The following ANKRD18A variants were observed in gnomAD, a reference collection of about 807,000 sequenced individuals.
ANKRD18A encodes ankyrin repeat domain 18A.
ANKRD18A carries 72 observed loss-of-function variants against 110.6 expected under a neutral mutation model. The observed-to-expected ratio is 0.65, with a 90% CI of 0.54 to 0.79. The LOEUF is 0.79. ANKRD18A is among the 30% of genes least tolerant of loss of function. The pLI is 0.00. For missense variants in ANKRD18A, 934 were observed against 1,163.3 expected (o/e 0.80, Z 2.87); for synonymous variants, 305 against 410.3 (o/e 0.74, Z 3.10).
chr9:38,611,489 G>A (rs1825619772), intron 3 of ANKRD18A, among the ~76,000 whole-genome samples, 168 bp from the exon 4 acceptor site: 1 of 152,098 alleles, frequency 6.6e-6, no homozygotes. Flanking sequence ...ACACTGCCTT[G>A]AAACACCCCT....
chr9:38,593,629 T>A (rs1824748561), intron 10 of ANKRD18A, 131 bp downstream of exon 10: 5 of 990,174 alleles, frequency 5.0e-6, no homozygotes, highest in Non-Finnish European at 6.7e-6. Flanking sequence ...GTTATAAAGA[T>A]AATAAAATGG....
At chr9:38,613,361 T>C (rs1453688921) in intron 3 of ANKRD18A, among the ~76,000 whole-genome samples, 1 of 152,178 alleles carries the variant, frequency 6.6e-6, no homozygotes, top group Non-Finnish European at 1.5e-5. Context: ...ACGCCACATT[T>C]AGACTATAGC....
intron 8 of ANKRD18A, among the ~76,000 whole-genome samples, chr9:38,600,277 T>A (rs1312418503): frequency 1.3e-5 from 2 of 152,184 alleles, no homozygotes; most frequent in East Asian, 3.9e-4. Flanking sequence ...GATTTTTACC[T>A]CAGCATACCC....
downstream of ANKRD18A, chr9:38,567,589 T>G: frequency 2.6e-5 from 4 of 152,902 alleles, no homozygotes; most frequent in Non-Finnish European, 2.9e-5. Context: ...TGCCACATGT[T>G]GCCTGCTCTC....
In ANKRD18A at chr9:38,575,090, T is replaced by A. The variant is rs563986366; in HGVS notation, c.2964+386A>T. 9.1e-3 allele frequency among the ~76,000 whole-genome samples: 1,074 copies of A among 118,534 alleles called. 14 individuals carry two copies. Among genetic ancestry groups the A allele is most frequent in the African/African-American group, 0.04 (1,000 of 24,896 alleles). 77.8% of individuals were successfully genotyped at this position (118,534 alleles called of 152,430 possible). A position where few individuals can be genotyped will look rare whatever the true frequency, so the allele number is the denominator to read the frequency against. Reference sequence around the variant, plus strand: ...GCCTAGGCAACAGAGCAAGACACCATCTCAAAAAAAAAAAAAAAGTGATAT... The same window carrying A: ...GCCTAGGCAACAGAGCAAGACACCAACTCAAAAAAAAAAAAAAAGTGATAT... On this transcript the variant is annotated intron_variant, in intron 15 of 15. Transcript: ENST00000399703.
chr9:38,600,232 G>T (rs927304561), intron 8 of ANKRD18A, among the ~76,000 whole-genome samples: 1 of 152,210 alleles, frequency 6.6e-6, no homozygotes, highest in Non-Finnish European at 1.5e-5. Flanking sequence ...GTTCACAGAT[G>T]ATATGTAGTA....
At chr9:38,611,894 GCCTAA>G (rs1280806471) in intron 3 of ANKRD18A, among the ~76,000 whole-genome samples, 1 of 152,144 alleles carries the variant, frequency 6.6e-6, no homozygotes, top group East Asian at 1.9e-4. Flanking sequence ...CTTGAACTTT[GCCTAA>G]TCTCAATTTG....
chr9:38,568,858 C>T, downstream of ANKRD18A: 1 of 985,424 alleles, frequency 1.0e-6, no homozygotes. Flanking sequence ...GGCCAGGACC[C>T]TTTAGGTATG....
chr9:38,594,583 T>C (rs2118773201), intron 9 of ANKRD18A, among the ~76,000 whole-genome samples: 1 of 152,298 alleles, frequency 6.6e-6, no homozygotes, highest in East Asian at 1.9e-4. Context: ...CAAATTGTGA[T>C]TTTATAACAA....
At chr9:38,573,797 C>T (rs1823764188) in intron 15 of ANKRD18A, among the ~76,000 whole-genome samples, 1 of 152,124 alleles carries the variant, frequency 6.6e-6, no homozygotes, top group South Asian at 2.1e-4. Context: ...CTTAGCAAAA[C>T]TCTGTCCTTT....
At chr9:38,580,060 A>G (rs1391418068) in intron 12 of ANKRD18A, among the ~76,000 whole-genome samples, 1 of 152,224 alleles carries the variant, frequency 6.6e-6, no homozygotes, top group Non-Finnish European at 1.5e-5. Flanking sequence ...TGTTAAGTGC[A>G]GACACAGAAA....
In ANKRD18A at chr9:38,595,497, C is replaced by T; in HGVS notation, c.1843G>A (p.Ala615Thr). The T allele has an allele frequency of 6.8e-7, 1 of 1,476,880 alleles. No homozygotes were observed. Among genetic ancestry groups the T allele is most frequent in the East Asian group, 2.5e-5 (1 of 39,854 alleles). The allele number at this position is 1,476,880 out of a possible 1,614,324, so 91.5% of individuals were successfully genotyped here. A position where few individuals can be genotyped will look rare whatever the true frequency, so the allele number is the denominator to read the frequency against. The change falls in exon 9 of 16, where the codon GCA becomes ACA. Residue 615 changes from alanine to threonine, a missense_variant. Around this residue, in one of 4 missense-constraint regions of ANKRD18A, gnomAD observed 630 missense variants for 797.5 expected, o/e 0.79. Transcript: ENST00000399703. ...TTCTTCATACTTACTTCTCTTTCTG[C>T]TTTTTCTTTTTCACACTGAAGCAGT... ...EKLLQCEKEK[A>T]EREVIVREFQ...
chr9:38,589,870 T>C (rs908590139), intron 10 of ANKRD18A, among the ~76,000 whole-genome samples: 9 of 152,186 alleles, frequency 5.9e-5, no homozygotes, highest in Non-Finnish European at 8.8e-5. Context: ...ACTCCTAATA[T>C]CTCAAAACAT....
chr9:38,575,390 C>G, intron 15 of ANKRD18A, 86 bp downstream of exon 15: 5 of 1,339,398 alleles, frequency 3.7e-6, no homozygotes, highest in Non-Finnish European at 5.0e-6. Flanking sequence ...ATGCGTAAGT[C>G]AACAGAACTC....
chr9:38,578,844 C>T (rs556437458), intron 12 of ANKRD18A, among the ~76,000 whole-genome samples: 12 of 152,312 alleles, frequency 7.9e-5, no homozygotes, highest in African/African-American at 2.9e-4. Flanking sequence ...GACCACATCA[C>T]TGCACTTCTT....
At chr9:38,610,709 TC>T (rs1021436255) in intron 4 of ANKRD18A, among the ~76,000 whole-genome samples, 14 of 152,178 alleles carry the variant, frequency 9.2e-5, no homozygotes, top group Non-Finnish European at 1.8e-4. Context: ...AGGTCACTTA[TC>T]TAAAGTGGGC....
intron 3 of ANKRD18A, among the ~76,000 whole-genome samples, chr9:38,613,229 C>G (rs1013848344): frequency 6.6e-6 from 1 of 150,568 alleles, no homozygotes; most frequent in Non-Finnish European, 1.5e-5. Context: ...CGCAGCAGAC[C>G]AAGCAGTGAT....
At chr9:38,617,053 T>C (rs1825887542) in intron 1 of ANKRD18A, among the ~76,000 whole-genome samples, 1 of 152,244 alleles carries the variant, frequency 6.6e-6, no homozygotes, top group Admixed American at 6.5e-5. Flanking sequence ...TAATTGACAC[T>C]TAAATACATT....
At chr9:38,569,093 C>T (rs1471053696), downstream of ANKRD18A, 4 of 985,274 alleles carry the variant, frequency 4.1e-6, no homozygotes, top group Admixed American at 2.5e-4. Flanking sequence ...GGTCACTACC[C>T]ACCAAGGGGG....
Sources: allele counts gnomAD v4.1 joint callset (sites outside exome capture counted in the v4.1 genomes callset), GRCh38; gene constraint gnomAD v4.1.1; regional missense constraint gnomAD v4.1.1; transcripts MANE v1.5; gene names NCBI Gene and HGNC (gene_info 2026-07-23, HGNC 2026-07-21).